The following RTN4 variants were observed in gnomAD, a reference collection of about 807,000 sequenced individuals.
RTN4 encodes the protein reticulon-4.
A neutral mutation model predicts 90.4 loss-of-function variants in RTN4; 32 were observed. The ratio of observed to expected loss-of-function variants is 0.35; its 90% CI spans 0.27 to 0.48. The LOEUF (loss-of-function observed/expected upper bound fraction) is 0.48. Among genes scored for constraint, RTN4 ranks in the 20% least tolerant of loss-of-function variants. The probability of loss-of-function intolerance (pLI) is 0.99; values close to 1 mark genes in which losing one functional copy is unlikely to be tolerated. For synonymous variants in RTN4, 629 were observed against 552.5 expected (o/e 1.14, Z -1.94); for missense variants, 1,706 against 1,430.2 (o/e 1.19, Z -3.11).
chr2:55,045,282 AT>A lies in RTN4; in HGVS notation c.556+4462del, dbSNP rs546000264. Among the ~76,000 whole-genome samples the A allele has an allele frequency of 7.2e-5, 11 of 152,298 alleles. No individual in the cohort carries two copies. The South Asian group carries it at 1.7e-3, about 23-fold the overall frequency. ...TATTCTTTTCTTTGTCTTTACATTC[AT>A]GGTTTCCAAGTCCTATCAATTCGTC... is the stretch of plus-strand genomic sequence containing the variant. On this transcript the variant is annotated intron_variant, in intron 1 of 8. Coordinates refer to ENST00000337526, the MANE Select transcript of RTN4 (RefSeq NM_020532.5).
chr2:55,103,621 G>A (rs1372968881), intron 1 of RTN4, among the ~76,000 whole-genome samples: 27 of 152,016 alleles, frequency 1.8e-4, no homozygotes, highest in Admixed American at 1.8e-3. Flanking sequence ...ACAGAGCTGT[G>A]TACTTTATTT....
At chr2:55,105,901 A>G (rs1171593872) in intron 1 of RTN4, among the ~76,000 whole-genome samples, 1 of 152,068 alleles carries the variant, frequency 6.6e-6, no homozygotes, top group African/African-American at 2.4e-5. Flanking sequence ...GATCGCTTGC[A>G]CCCAGGAGTT....
At chr2:55,085,932 T>C (rs149546618) in intron 1 of RTN4, among the ~76,000 whole-genome samples, 4 of 152,356 alleles carry the variant, frequency 2.6e-5, no homozygotes, top group Non-Finnish European at 5.9e-5. Context: ...CAAATCATTA[T>C]TGCAGTCCTC....
At chr2:55,119,219 G>A in the RTN4 span, among the ~76,000 whole-genome samples, 9 of 152,150 alleles carry the variant, frequency 5.9e-5, no homozygotes, top group East Asian at 1.9e-4. Context: ...TTCCTTATTC[G>A]TCAAAATACA....
At chr2:55,013,149 A>G (rs1680766720) in intron 3 of RTN4, among the ~76,000 whole-genome samples, 1 of 152,150 alleles carries the variant, frequency 6.6e-6, no homozygotes, top group African/African-American at 2.4e-5. Context: ...CAAGCCAATA[A>G]AAGTGTTGTA....
chr2:55,012,890 A>C (rs6755468), intron 3 of RTN4, among the ~76,000 whole-genome samples: 101,536 of 152,036 alleles, frequency 0.67, 34,938 homozygotes, highest in African/African-American at 0.85. Flanking sequence ...CTATTCCACA[A>C]TGAACCCCAA....
intron 3 of RTN4, among the ~76,000 whole-genome samples, chr2:55,020,646 T>A (rs1302354226): frequency 2.6e-5 from 4 of 152,200 alleles, no homozygotes; most frequent in Non-Finnish European, 5.9e-5. Context: ...ACCTTATTCA[T>A]CTCTCTTGCA....
chr2:55,013,971 G>A (rs1467771058), intron 3 of RTN4, among the ~76,000 whole-genome samples: 1 of 152,040 alleles, frequency 6.6e-6, no homozygotes. Flanking sequence ...CAGAAAATAG[G>A]CATGTTTTTT....
intron 1 of RTN4, among the ~76,000 whole-genome samples, chr2:55,086,029 T>C (rs1045373624): frequency 1.3e-5 from 2 of 152,178 alleles, no homozygotes; most frequent in South Asian, 2.1e-4. Context: ...AAGAGTCAGA[T>C]CTTCTGACAT....
the RTN4 span, among the ~76,000 whole-genome samples, chr2:55,124,538 C>T: frequency 6.6e-6 from 1 of 152,136 alleles, no homozygotes; most frequent in South Asian, 2.1e-4. Context: ...ATGAGAATTA[C>T]AAAACACTGT....
At position 55,025,707 on chromosome 2, in the gene RTN4, G is replaced by A. The variant is rs930108444; in HGVS notation, c.2392C>T (p.Pro798Ser). The A allele has an allele frequency of 6.2e-7, 1 of 1,613,712 alleles. No homozygotes were observed. Among genetic ancestry groups the A allele is most frequent in the Non-Finnish European group, 8.5e-7 (1 of 1,179,804 alleles). ...LSALPPEGGK[P>S]YLESFKLSLD... ...CTGAGCTTAAAAGATTCCAAATATG[G>A]CTTTCCTCCCTCAGGTGGCAAAGCA... is the stretch of plus-strand genomic sequence containing the variant. The change falls in exon 3 of 9, where the codon CCA (proline) becomes TCA (serine). Residue 798 changes from proline (P) to serine (S), a missense_variant. Pro to Ser is a moderately conservative substitution (Grantham distance 74). Transcript: ENST00000337526.
At chr2:55,020,259 A>G (rs559355650) in intron 3 of RTN4, among the ~76,000 whole-genome samples, 1 of 152,332 alleles carries the variant, frequency 6.6e-6, no homozygotes, top group Non-Finnish European at 1.5e-5. Context: ...ATCCTGAACA[A>G]AAATAAAGCT....
intron 1 of RTN4, among the ~76,000 whole-genome samples, chr2:55,031,597 C>A (rs1423934750): frequency 1.3e-5 from 2 of 152,182 alleles, no homozygotes; most frequent in African/African-American, 2.4e-5. Flanking sequence ...AAGACCTGAT[C>A]TAAAAATTCT....
At chr2:55,035,801 T>G (rs1240073806) in intron 1 of RTN4, among the ~76,000 whole-genome samples, 2 of 152,104 alleles carry the variant, frequency 1.3e-5, no homozygotes, top group East Asian at 1.9e-4. Flanking sequence ...TATGCACACA[T>G]TTATGACAAT....
chr2:55,071,008 C>A (rs1240854527), intron 2 of RTN4, among the ~76,000 whole-genome samples: 1 of 151,040 alleles, frequency 6.6e-6, no homozygotes, highest in Non-Finnish European at 1.5e-5. Context: ...AATCTCCTGA[C>A]CTCGTGATCT....
chr2:55,063,258 T>C (rs1046269570), intron 2 of RTN4, among the ~76,000 whole-genome samples: 8 of 152,362 alleles, frequency 5.3e-5, no homozygotes, highest in African/African-American at 1.9e-4. Context: ...ATAGTGGGCT[T>C]CTTAGGTGAG....
chr2:55,091,127 T>C (rs917353784), intron 1 of RTN4, among the ~76,000 whole-genome samples: 3 of 152,232 alleles, frequency 2.0e-5, no homozygotes, highest in South Asian at 2.1e-4. Context: ...GCCTTTTCAC[T>C]ACCTGGTGGT....
chr2:55,128,389 T>A, the RTN4 span, among the ~76,000 whole-genome samples: 2 of 152,134 alleles, frequency 1.3e-5, no homozygotes, highest in African/African-American at 2.4e-5. Context: ...CTGGTCATGG[T>A]GACCATCCAT....
Position 55,026,141 on chromosome 2 carries a change from G to A in RTN4, c.1958C>T (p.Pro653Leu), listed in dbSNP as rs1292200888. ...CTCTTCATATGGTGGGGGGTTTTCA[G>A]GCTCATGTTTTATGCTTTCATAATT... ...SVNYESIKHE[P>L]ENPPPYEEAM... Residue 653 changes from proline to leucine, a missense_variant, in exon 3 of 9, where the codon CCT becomes CTT. By Grantham distance (98) the Pro-to-Leu change is moderately conservative. Transcript: ENST00000337526. The A allele has an allele frequency of 2.5e-6, 4 of 1,613,254 alleles. No homozygotes were observed. The African/African-American group carries it at 4.0e-5, about 16-fold the overall frequency.
Sources: allele counts gnomAD v4.1 joint callset (sites outside exome capture counted in the v4.1 genomes callset), GRCh38; gene constraint gnomAD v4.1.1; transcripts MANE v1.5; gene names NCBI Gene and HGNC (gene_info 2026-07-23, HGNC 2026-07-21).